Variants in CSMD1 observed in about 807,000 individuals in gnomAD.
CSMD1 encodes the protein CUB and sushi domain-containing protein 1.
In CSMD1, 213 loss-of-function variants were observed where a neutral mutation model predicts 417.5. The ratio of observed to expected loss-of-function variants is 0.51; its 90% CI spans 0.46 to 0.57. CSMD1 has a LOEUF of 0.57. Among genes scored for constraint, CSMD1 ranks in the 20% least tolerant of loss-of-function variants. The pLI, the probability that CSMD1 is intolerant of heterozygous loss-of-function variation, is 0.00. For synonymous variants in CSMD1, 2,862 were observed against 1,736.8 expected (o/e 1.65, Z -16.11); for missense variants, 6,923 against 4,529.7 (o/e 1.53, Z -15.17).
intron 7 of CSMD1, among the ~76,000 whole-genome samples, chr8:3,673,388 A>G (rs1343814894): frequency 3.3e-5 from 5 of 152,232 alleles, no homozygotes; most frequent in East Asian, 3.8e-4. Context: ...TAGCAAGAAT[A>G]TGGAGATGAA....
intron 1 of CSMD1, among the ~76,000 whole-genome samples, chr8:4,967,141 G>C (rs74899707): frequency 0.032 from 4,798 of 152,240 alleles, 97 homozygotes; most frequent in Middle Eastern, 0.13. Context: ...TTCAAAGGAA[G>C]AGACTCCTTG....
chr8:3,422,013 C>T (rs182412730), intron 12 of CSMD1, among the ~76,000 whole-genome samples: 16 of 152,028 alleles, frequency 1.1e-4, no homozygotes, highest in Admixed American at 4.6e-4. Context: ...CGCGCCCGGC[C>T]CCACAGATGT....
chr8:4,843,853 A>G (rs1256666727), intron 1 of CSMD1, among the ~76,000 whole-genome samples: 1 of 152,202 alleles, frequency 6.6e-6, no homozygotes, highest in Non-Finnish European at 1.5e-5. Flanking sequence ...CTGAATTTGG[A>G]GTCAACCGCA....
At chr8:4,504,362 G>GAAT (rs1802412417) in intron 2 of CSMD1, among the ~76,000 whole-genome samples, 1 of 152,120 alleles carries the variant, frequency 6.6e-6, no homozygotes, top group Non-Finnish European at 1.5e-5. Flanking sequence ...TACATGGTTT[G>GAAT]GGTTATATCT....
At chr8:3,858,260 G>A (rs1235254590) in intron 5 of CSMD1, among the ~76,000 whole-genome samples, 1 of 152,150 alleles carries the variant, frequency 6.6e-6, no homozygotes, top group Non-Finnish European at 1.5e-5. Flanking sequence ...AAAGTCCACA[G>A]AATGAGGATG....
intron 5 of CSMD1, among the ~76,000 whole-genome samples, chr8:3,860,969 A>C (rs535568974): frequency 6.6e-6 from 1 of 152,240 alleles, no homozygotes; most frequent in Non-Finnish European, 1.5e-5. Flanking sequence ...GCAAAATGAA[A>C]TGACAAATGA....
intron 3 of CSMD1, among the ~76,000 whole-genome samples, chr8:4,123,760 A>C (rs1240390874): frequency 6.6e-6 from 1 of 152,202 alleles, no homozygotes; most frequent in East Asian, 1.9e-4. Flanking sequence ...ATGCTGTGAT[A>C]ATTTACTGAT....
chr8:4,157,391 G>C (rs1009575907), intron 3 of CSMD1, among the ~76,000 whole-genome samples: 5 of 152,150 alleles, frequency 3.3e-5, no homozygotes, highest in African/African-American at 1.2e-4. Context: ...CAGCTCAAAG[G>C]TTGAATTGAA....
chr8:3,309,249 C>G (rs752328801), intron 23 of CSMD1, among the ~76,000 whole-genome samples: 4 of 152,128 alleles, frequency 2.6e-5, no homozygotes, highest in African/African-American at 7.2e-5. Context: ...AGCACTTATT[C>G]CAGCCCATTG....
At chr8:4,216,405 C>G (rs569222711) in intron 3 of CSMD1, among the ~76,000 whole-genome samples, 2 of 152,144 alleles carry the variant, frequency 1.3e-5, no homozygotes, top group Non-Finnish European at 2.9e-5. Context: ...CTATTGTGTG[C>G]ATGGTAAAAT....
At chr8:4,469,452 G>A in intron 2 of CSMD1, among the ~76,000 whole-genome samples, 1 of 152,106 alleles carries the variant, frequency 6.6e-6, no homozygotes, top group East Asian at 1.9e-4. Flanking sequence ...TTGTGTTATT[G>A]GCTACATTTA....
At chr8:3,308,705 A>G (rs545314140) in intron 23 of CSMD1, among the ~76,000 whole-genome samples, 2 of 143,312 alleles carry the variant, frequency 1.4e-5, no homozygotes, top group South Asian at 2.3e-4. Context: ...AAGTTCGGTC[A>G]TCTTATTTGT....
intron 3 of CSMD1, among the ~76,000 whole-genome samples, chr8:4,186,161 G>T (rs1449446950): frequency 6.6e-6 from 1 of 152,180 alleles, no homozygotes; most frequent in African/African-American, 2.4e-5. Context: ...GAGCATATGA[G>T]AAGCAGTCAA....
chr8:3,422,296 T>G (rs1483615012), intron 12 of CSMD1, among the ~76,000 whole-genome samples: 1 of 152,134 alleles, frequency 6.6e-6, no homozygotes, highest in Non-Finnish European at 1.5e-5. Flanking sequence ...TGATCAATGC[T>G]CAGCCAATAA....
chr8:3,077,893 T>A (rs971740553), intron 49 of CSMD1, among the ~76,000 whole-genome samples: 5 of 152,248 alleles, frequency 3.3e-5, no homozygotes, highest in Non-Finnish European at 2.9e-5. Flanking sequence ...CTTTGCCTTT[T>A]ACTGATTTAG....
chr8:3,941,274 C>T (rs1402167873), intron 5 of CSMD1, among the ~76,000 whole-genome samples: 3 of 152,102 alleles, frequency 2.0e-5, no homozygotes, highest in Non-Finnish European at 4.4e-5. Flanking sequence ...TGCTGAATTA[C>T]AAATTCCCAA....
At chr8:3,307,858 C>A in intron 24 of CSMD1, 37 bp from the exon 25 acceptor site, 1 of 1,598,244 alleles carries the variant, frequency 6.3e-7, no homozygotes, top group Non-Finnish European at 8.5e-7. Flanking sequence ...CGTTCAGCTT[C>A]AGGCATCACA....
chr8:4,759,064 A>G (rs1811857482), intron 1 of CSMD1, among the ~76,000 whole-genome samples: 1 of 152,216 alleles, frequency 6.6e-6, no homozygotes, highest in African/African-American at 2.4e-5. Flanking sequence ...AAAGTTATTA[A>G]GATATGCTCT....
chr8:4,393,164 C>G (rs1410896211), intron 3 of CSMD1, among the ~76,000 whole-genome samples: 1 of 151,638 alleles, frequency 6.6e-6, no homozygotes, highest in African/African-American at 2.4e-5. Flanking sequence ...TTAGTAGAGA[C>G]GAAGTTTCAC....
Sources: allele counts gnomAD v4.1 joint callset (sites outside exome capture counted in the v4.1 genomes callset), GRCh38; gene constraint gnomAD v4.1.1; transcripts MANE v1.5; gene names NCBI Gene and HGNC (gene_info 2026-07-23, HGNC 2026-07-21).